Variants in LINC02747 observed in about 807,000 individuals in gnomAD.
The protein encoded by LINC02747 is long independently transcribed non-coding RNA 2747.
At chr11:69,476,587 C>T (rs557297904) in exon 2 of LINC02747, 7 of 152,258 alleles carry the variant, frequency 4.6e-5, no homozygotes, top group Admixed American at 1.3e-4. Context: ...CTCCCCAGCC[C>T]GCTGGGGTGG....
chr11:69,481,176 T>C (rs1412016580), intron 1 of LINC02747, among the ~76,000 whole-genome samples: 1 of 152,164 alleles, frequency 6.6e-6, no homozygotes, highest in Non-Finnish European at 1.5e-5. Context: ...ACTTGACACA[T>C]GAGGAGGCAC....
intron 1 of LINC02747, among the ~76,000 whole-genome samples, chr11:69,480,894 G>T (rs1857042279): frequency 6.6e-6 from 1 of 152,156 alleles, no homozygotes; most frequent in Admixed American, 6.5e-5. Context: ...CGATTCCCAA[G>T]GTTCCCTGGA....
chr11:69,477,848 G>A (rs999447752), intron 1 of LINC02747, among the ~76,000 whole-genome samples: 4 of 152,154 alleles, frequency 2.6e-5, no homozygotes, highest in Admixed American at 1.3e-4. Context: ...TACGAGATTC[G>A]TGGAGCCCTG....
intron 1 of LINC02747, among the ~76,000 whole-genome samples, chr11:69,478,010 G>C (rs1376314339): frequency 6.6e-6 from 1 of 152,216 alleles, no homozygotes; most frequent in African/African-American, 2.4e-5. Context: ...ACAAGCACCT[G>C]TCTGCTTCGT....
exon 2 of LINC02747, chr11:69,475,744 C>G (rs987661033): frequency 6.6e-6 from 1 of 152,162 alleles, no homozygotes; most frequent in South Asian, 2.1e-4. Context: ...AGAGACAGAG[C>G]CGGTTCTCTG....
chr11:69,481,548 G>C (rs752968639), upstream of LINC02747: 14 of 152,460 alleles, frequency 9.2e-5, no homozygotes, highest in African/African-American at 3.4e-4. Context: ...AGCCCTCTGG[G>C]AATGCGGAGG....
At chr11:69,478,227 C>T (rs1296507919) in intron 1 of LINC02747, among the ~76,000 whole-genome samples, 1 of 152,112 alleles carries the variant, frequency 6.6e-6, no homozygotes, top group African/African-American at 2.4e-5. Context: ...GAGGGTAAGC[C>T]GTGTGGGGCA....
intron 1 of LINC02747, among the ~76,000 whole-genome samples, chr11:69,478,244 C>T (rs969232097): frequency 1.1e-4 from 16 of 152,204 alleles, no homozygotes; most frequent in Non-Finnish European, 2.1e-4. Flanking sequence ...GGCAGTAAGA[C>T]AGGAGTAGGG....
At chr11:69,477,450 A>C (rs902428828) in exon 2 of LINC02747, 7 of 152,188 alleles carry the variant, frequency 4.6e-5, no homozygotes, top group African/African-American at 1.4e-4. Flanking sequence ...TGCTCACCAC[A>C]CTTTACAGTT....
At chr11:69,480,167 T>C (rs929460247) in intron 1 of LINC02747, among the ~76,000 whole-genome samples, 1 of 152,174 alleles carries the variant, frequency 6.6e-6, no homozygotes, top group Non-Finnish European at 1.5e-5. Flanking sequence ...GTTCCCTGGC[T>C]GCCTTGGCCT....
At chr11:69,479,026 C>G (rs541527748) in intron 1 of LINC02747, among the ~76,000 whole-genome samples, 1 of 151,926 alleles carries the variant, frequency 6.6e-6, no homozygotes, top group Non-Finnish European at 1.5e-5. Context: ...AGGCTGAAGC[C>G]GGTGTATAAC....
At chr11:69,481,331 A>AG in intron 1 of LINC02747, 1 of 152,408 alleles carries the variant, frequency 6.6e-6, no homozygotes, top group Non-Finnish European at 1.5e-5. Flanking sequence ...CTGGGACCTC[A>AG]GATACACTCT....
exon 2 of LINC02747, chr11:69,475,859 G>A (rs1251696217): frequency 6.6e-6 from 1 of 152,218 alleles, no homozygotes; most frequent in African/African-American, 2.4e-5. Flanking sequence ...TGGGAGTTAA[G>A]GCTTCAACAT....
At chr11:69,478,452 G>A (rs1018937898) in intron 1 of LINC02747, among the ~76,000 whole-genome samples, 3 of 152,200 alleles carry the variant, frequency 2.0e-5, no homozygotes, top group Non-Finnish European at 4.4e-5. Flanking sequence ...GCCTGCTCCT[G>A]TCTTTCCTCA....
chr11:69,478,282 G>T (rs1452357448), intron 1 of LINC02747, among the ~76,000 whole-genome samples: 1 of 152,118 alleles, frequency 6.6e-6, no homozygotes, highest in Admixed American at 6.5e-5. Flanking sequence ...GTGGAGGCTG[G>T]AAAGTTGCTG....
chr11:69,476,464 T>C (rs1263202021), exon 2 of LINC02747: 1 of 152,064 alleles, frequency 6.6e-6, no homozygotes, highest in Non-Finnish European at 1.5e-5. Flanking sequence ...ACTGATCTAA[T>C]CAATATCCTG....
At chr11:69,480,712 T>C (rs1857040663) in intron 1 of LINC02747, among the ~76,000 whole-genome samples, 1 of 152,160 alleles carries the variant, frequency 6.6e-6, no homozygotes, top group Non-Finnish European at 1.5e-5. Context: ...GTCACCACAG[T>C]GAGGACTCTG....
intron 1 of LINC02747, chr11:69,479,947 G>C (rs1364316129): frequency 6.6e-6 from 1 of 152,324 alleles, no homozygotes. Context: ...TTGCCTGTGA[G>C]GGCAAAGTCT....
chr11:69,478,831 A>C (rs572080119), intron 1 of LINC02747, among the ~76,000 whole-genome samples: 23 of 151,754 alleles, frequency 1.5e-4, no homozygotes, highest in African/African-American at 5.1e-4. Flanking sequence ...GTGCCACTGC[A>C]CTCTAGCCTG....
Sources: gnomAD v4.1 joint callset for allele counts (sites outside exome capture counted in the v4.1 genomes callset) on GRCh38, gnomAD v4.1.1 for gene constraint, MANE v1.5 for transcripts, NCBI Gene and HGNC (gene_info 2026-07-23, HGNC 2026-07-21) for gene names.